SH2B2: variants seen among roughly 807,000 people sequenced by gnomAD.
SH2B2 encodes SH2B adaptor protein 2.
SH2B2 carries 37 observed loss-of-function variants against 35.7 expected under a neutral mutation model. The observed-to-expected ratio is 1.04, with a 90% CI of 0.80 to 1.36. The LOEUF is 1.36. Ranked by LOEUF, SH2B2 falls within the 40% of genes most tolerant of loss-of-function variation. The probability of loss-of-function intolerance (pLI) is 0.00; values close to 1 mark genes in which losing one functional copy is unlikely to be tolerated. For synonymous variants in SH2B2, 383 were observed against 376.4 expected (o/e 1.02, Z -0.20); for missense variants, 852 against 817.7 (o/e 1.04, Z -0.51).
intron 4 of SH2B2, among the ~76,000 whole-genome samples, chr7:102,311,312 T>G (rs1793610174): frequency 6.6e-6 from 1 of 151,372 alleles, no homozygotes; most frequent in African/African-American, 2.4e-5. Flanking sequence ...TGGAATGTAA[T>G]GGCACAATCT....
chr7:102,301,076 A>T lies in SH2B2; in HGVS notation c.526A>T (p.Thr176Ser). ...PRTAEPRDKW[T>S]RRLRLSRTLA... ...CACCGCCGAGCCCCGCGACAAGTGG[A>T]CGCGGCGCCTGAGGCTGTCGCGGAC... The change falls in exon 2 of 9, where the codon ACG becomes TCG. Residue 176 changes from threonine to serine, a missense_variant. By Grantham distance (58) the Thr-to-Ser change is moderately conservative (BLOSUM62 1). Coordinates refer to ENST00000444095, the MANE Select transcript of SH2B2 (RefSeq NM_001359228.2). 2 of 1,395,830 alleles carry T rather than the reference A, an allele frequency of 1.4e-6. No individual in the cohort carries two copies. The highest frequency in any genetic ancestry group is 1.9e-6 in the Non-Finnish European group (2 of 1,079,702). The allele number at this position is 1,395,830 out of a possible 1,614,324, so 86.5% of individuals were successfully genotyped here.
At chr7:102,318,264 A>G (rs1456142070) in intron 7 of SH2B2, among the ~76,000 whole-genome samples, 1 of 151,882 alleles carries the variant, frequency 6.6e-6, no homozygotes, top group Non-Finnish European at 1.5e-5. Flanking sequence ...TCAGCCTCCC[A>G]AGTAGCTGGG....
chr7:102,316,315 C>T (rs1201946173), intron 6 of SH2B2, among the ~76,000 whole-genome samples: 4 of 152,130 alleles, frequency 2.6e-5, no homozygotes, highest in African/African-American at 9.7e-5. Flanking sequence ...TGGCTGGGCG[C>T]AGTGGCTCAC....
chr7:102,300,713 C>G lies in SH2B2; in HGVS notation c.163C>G (p.Pro55Ala). 1.3e-6 allele frequency: 2 copies of G among 1,536,424 alleles called. No individual in the cohort carries two copies. The highest frequency in any genetic ancestry group is 1.8e-6 in the Non-Finnish European group (2 of 1,137,956). The change falls in exon 2 of 9, where the codon CCC (proline) becomes GCC (alanine). Residue 55 changes from proline to alanine, a missense_variant. By Grantham distance (27) the Pro-to-Ala change is conservative. Around this residue, in one of 3 missense-constraint regions of SH2B2, gnomAD observed 294 missense variants for 286.6 expected, o/e 1.03. Transcript: ENST00000444095. ...GCGGGACAACCCAGCTTACGACACG[C>G]CCGACGCCGGCGCCTCCTTCTCCCG... ...FLRDNPAYDT[P>A]DAGASFSRHF...
intron 6 of SH2B2, among the ~76,000 whole-genome samples, chr7:102,316,876 G>A (rs2023406): frequency 0.23 from 34,613 of 151,382 alleles, 3,942 homozygotes; most frequent in Middle Eastern, 0.38. Context: ...AAAATTAGTT[G>A]GGTGTGGTGG....
At chr7:102,294,619 G>A (rs1586569218) in intron 1 of SH2B2, among the ~76,000 whole-genome samples, 3 of 152,240 alleles carry the variant, frequency 2.0e-5, no homozygotes, top group Middle Eastern at 6.8e-3. Context: ...GGTCAGCCAA[G>A]CTCCCTACAT....
At chr7:102,311,338 T>C (rs946883945) in intron 4 of SH2B2, among the ~76,000 whole-genome samples, 2 of 151,132 alleles carry the variant, frequency 1.3e-5, no homozygotes, top group African/African-American at 4.9e-5. Flanking sequence ...CACTGCAACC[T>C]CCACCTCGCA....
chr7:102,288,352 G>T (rs553229616), intron 1 of SH2B2, among the ~76,000 whole-genome samples: 4 of 152,178 alleles, frequency 2.6e-5, no homozygotes, highest in South Asian at 2.1e-4. Context: ...GGCTAGTGTG[G>T]ATCAGGGCAT....
chr7:102,306,697 C>G, intron 2 of SH2B2, 24 bp from the exon 3 acceptor site: 1 of 1,529,350 alleles, frequency 6.5e-7, no homozygotes, highest in Non-Finnish European at 8.9e-7. Context: ...TGGGGCCACT[C>G]ACTATCCTTC....
chr7:102,308,769 C>A, intron 3 of SH2B2, 46 bp from the exon 4 acceptor site: 1 of 1,404,804 alleles, frequency 7.1e-7, no homozygotes, highest in Non-Finnish European at 1.0e-6. Flanking sequence ...GGTCTGGAGC[C>A]CATCTGCTGA....
intron 2 of SH2B2, among the ~76,000 whole-genome samples, chr7:102,304,653 C>T (rs1793321370): frequency 6.6e-6 from 1 of 152,198 alleles, no homozygotes; most frequent in South Asian, 2.1e-4. Context: ...GAAGCTGGAC[C>T]AGGACTGACG....
chr7:102,307,521 C>A (rs969438305), intron 3 of SH2B2, among the ~76,000 whole-genome samples: 1 of 152,160 alleles, frequency 6.6e-6, no homozygotes, highest in Non-Finnish European at 1.5e-5. Context: ...TTTGTTTAGT[C>A]ACGGACTCAC....
intron 1 of SH2B2, chr7:102,293,106 AG>A (rs34606939): frequency 6.6e-6 from 1 of 151,974 alleles, no homozygotes; most frequent in Non-Finnish European, 1.5e-5. Context: ...CGGGCCCATT[AG>A]GCGGGGCGGC....
intron 2 of SH2B2, among the ~76,000 whole-genome samples, chr7:102,305,793 G>T (rs782309522): frequency 1.3e-4 from 19 of 151,812 alleles, no homozygotes; most frequent in Non-Finnish European, 1.9e-4. Context: ...CCCAGGTGGG[G>T]TTTTCTCCTC....
At chr7:102,301,511 G>A (rs1057394963) in intron 2 of SH2B2, among the ~76,000 whole-genome samples, 34 of 151,998 alleles carry the variant, frequency 2.2e-4, no homozygotes, top group East Asian at 1.5e-3. Flanking sequence ...ACACCAAAGG[G>A]TTCTGGGGCA....
intron 1 of SH2B2, among the ~76,000 whole-genome samples, chr7:102,296,115 C>G (rs944973474): frequency 2.0e-5 from 3 of 152,220 alleles, no homozygotes; most frequent in Admixed American, 6.5e-5. Context: ...GCAGGCTCAG[C>G]CGGGAGCCCT....
chr7:102,304,117 C>T (rs1586584337), intron 2 of SH2B2, among the ~76,000 whole-genome samples: 1 of 152,214 alleles, frequency 6.6e-6, no homozygotes, highest in Middle Eastern at 3.4e-3. Context: ...CCTGGGATGC[C>T]CTGAATGATA....
At chr7:102,310,893 C>T (rs1355306371) in intron 4 of SH2B2, among the ~76,000 whole-genome samples, 6 of 152,190 alleles carry the variant, frequency 3.9e-5, no homozygotes, top group East Asian at 1.9e-4. Context: ...AGGGTCTGCA[C>T]GGGATCCCAG....
chr7:102,312,638 T>C (rs1208688235), intron 4 of SH2B2, among the ~76,000 whole-genome samples: 3 of 152,200 alleles, frequency 2.0e-5, no homozygotes, highest in African/African-American at 7.2e-5. Context: ...TTTCTTTCTT[T>C]CTTTTTTTCT....
Sources: gnomAD v4.1 joint callset for allele counts (sites outside exome capture counted in the v4.1 genomes callset) on GRCh38, gnomAD v4.1.1 for gene constraint, gnomAD v4.1.1 regional missense constraint, MANE v1.5 for transcripts, NCBI Gene and HGNC (gene_info 2026-07-23, HGNC 2026-07-21) for gene names.